Variants in ADRA1B observed in about 807,000 individuals in gnomAD.
ADRA1B encodes the protein alpha-1B adrenergic receptor.
ADRA1B carries 17 observed loss-of-function variants against 17.9 expected under a neutral mutation model. The observed-to-expected ratio is 0.95, with a 90% confidence interval of 0.65 to 1.42. The LOEUF (loss-of-function observed/expected upper bound fraction) is 1.42, where lower values mean the gene tolerates loss of function less well. ADRA1B is among the 40% of genes most tolerant of loss of function. The pLI is 0.00. For missense variants in ADRA1B, 681 were observed against 722.1 expected (o/e 0.94, Z 0.65); for synonymous variants, 366 against 327.6 (o/e 1.12, Z -1.27).
chr5:159,921,485 G>C (rs1265577168), intron 1 of ADRA1B, among the ~76,000 whole-genome samples: 1 of 152,204 alleles, frequency 6.6e-6, no homozygotes, highest in African/African-American at 2.4e-5. Context: ...CTCAAGAAGT[G>C]GCTGAGCTAT....
chr5:159,962,054 C>G (rs1217127701), intron 1 of ADRA1B, among the ~76,000 whole-genome samples: 1 of 152,080 alleles, frequency 6.6e-6, no homozygotes, highest in African/African-American at 2.4e-5. Context: ...CAAAAATTAG[C>G]CATGCGTGAT....
intron 1 of ADRA1B, 26 bp from the exon 2 acceptor site, chr5:159,971,853 C>CGGGGGGGGGGGGGGGGGGGGGGGGGGGG: frequency 4.6e-6 from 6 of 1,305,874 alleles, no homozygotes; most frequent in Non-Finnish European, 5.9e-6. Flanking sequence ...TCTTTCTGCC[C>CGGGGGGGGGGGGGGGGGGGGGGGGGGGG]GTGCCCACCC....
rs376187038 is a variant in ADRA1B, at chr5:159,947,860, G to T, written c.950-24019G>T. On this transcript the variant is annotated intron_variant, in intron 1 of 1. Coordinates refer to ENST00000306675, the MANE Select transcript of ADRA1B (RefSeq NM_000679.4). ...TTATTGAGAAAGGAGCCAGCAATTAGCACAAAAATTTAGCTTAACCACGTT... is the reference window on the plus strand; with the variant it reads ...TTATTGAGAAAGGAGCCAGCAATTATCACAAAAATTTAGCTTAACCACGTT... The T allele has an allele frequency of 2.1e-4, 208 of 985,424 alleles. 1 individual carries two copies. In the South Asian group the frequency reaches 5.7e-3, roughly 27 times the overall value. The allele number at this position is 985,424 out of a possible 1,614,324, so 61.0% of individuals were successfully genotyped here. A position where few individuals can be genotyped will look rare whatever the true frequency, so the allele number is the denominator to read the frequency against.
chr5:159,929,533 C>T (rs140786108), intron 1 of ADRA1B, among the ~76,000 whole-genome samples: 15 of 151,252 alleles, frequency 9.9e-5, no homozygotes, highest in Admixed American at 2.6e-4. Context: ...AACCCTGCCT[C>T]GGGACATTAC....
At chr5:159,922,176 T>A (rs926454829) in intron 1 of ADRA1B, among the ~76,000 whole-genome samples, 2 of 152,234 alleles carry the variant, frequency 1.3e-5, no homozygotes, top group African/African-American at 4.8e-5. Context: ...ATTGTATTTG[T>A]TATTGGATAC....
chr5:159,962,349 C>T (rs1755679578), intron 1 of ADRA1B, among the ~76,000 whole-genome samples: 4 of 152,212 alleles, frequency 2.6e-5, no homozygotes, highest in African/African-American at 4.8e-5. Flanking sequence ...AACTGTCTTT[C>T]TCAGGGACCT....
chr5:159,908,734 G>C (rs781574215), intron 1 of ADRA1B, among the ~76,000 whole-genome samples: 1 of 152,146 alleles, frequency 6.6e-6, no homozygotes, highest in African/African-American at 2.4e-5. Flanking sequence ...ATGAGATGAC[G>C]CATATGGATT....
At chr5:159,986,949 A>G in the ADRA1B span, among the ~76,000 whole-genome samples, 1 of 152,092 alleles carries the variant, frequency 6.6e-6, no homozygotes, top group Non-Finnish European at 1.5e-5. Context: ...CCAATCTCTG[A>G]TGGTGCTGCT....
downstream of ADRA1B, among the ~76,000 whole-genome samples, chr5:159,974,651 A>T (rs1755944299): frequency 6.6e-6 from 1 of 151,464 alleles, no homozygotes; most frequent in African/African-American, 2.4e-5. Context: ...AAAAAAAAAA[A>T]TCCTAGGAAG....
At chr5:159,951,647 C>G (rs1354695521) in intron 1 of ADRA1B, 1 of 374,210 alleles carries the variant, frequency 2.7e-6, no homozygotes, top group Non-Finnish European at 5.1e-6. Context: ...GCAGTCTGCT[C>G]CTCGGGCCGG....
At chr5:159,940,165 GT>G (rs1755085806) in intron 1 of ADRA1B, among the ~76,000 whole-genome samples, 1 of 152,238 alleles carries the variant, frequency 6.6e-6, no homozygotes, top group African/African-American at 2.4e-5. Context: ...AATTCTGTGT[GT>G]ACTGGCAAAG....
At chr5:159,973,158 TCACCA>T (rs932838996), downstream of ADRA1B, among the ~76,000 whole-genome samples, 11 of 152,236 alleles carry the variant, frequency 7.2e-5, no homozygotes, top group African/African-American at 2.2e-4. Flanking sequence ...AGAGCCGCTC[TCACCA>T]CGTCTTGAGG....
intron 1 of ADRA1B, among the ~76,000 whole-genome samples, chr5:159,966,829 A>G (rs1480862232): frequency 1.3e-5 from 2 of 152,266 alleles, no homozygotes; most frequent in African/African-American, 4.8e-5. Flanking sequence ...GTGGCTTTTC[A>G]TCACTGCAGT....
At chr5:159,945,953 T>A (rs922641286) in intron 1 of ADRA1B, among the ~76,000 whole-genome samples, 2 of 152,186 alleles carry the variant, frequency 1.3e-5, no homozygotes, top group Non-Finnish European at 2.9e-5. Context: ...TTCACCATGT[T>A]AGCCAGGATG....
intron 1 of ADRA1B, among the ~76,000 whole-genome samples, chr5:159,878,221 T>C (rs1005227061): frequency 6.6e-6 from 1 of 152,126 alleles, no homozygotes; most frequent in African/African-American, 2.4e-5. Flanking sequence ...TTACCTAGGC[T>C]ATGTCAGGGC....
chr5:159,907,612 T>A (rs1754175866), intron 1 of ADRA1B, among the ~76,000 whole-genome samples: 1 of 152,174 alleles, frequency 6.6e-6, no homozygotes, highest in South Asian at 2.1e-4. Context: ...TACTGAGAAA[T>A]CTTTTGTGTG....
intron 1 of ADRA1B, among the ~76,000 whole-genome samples, chr5:159,940,463 C>A (rs1039911870): frequency 3.9e-5 from 6 of 152,104 alleles, no homozygotes; most frequent in Non-Finnish European, 5.9e-5. Context: ...CTGATGTTTT[C>A]TCTTAGTAAT....
intron 1 of ADRA1B, among the ~76,000 whole-genome samples, chr5:159,878,504 A>C (rs1753825250): frequency 6.6e-6 from 1 of 152,098 alleles, no homozygotes; most frequent in Non-Finnish European, 1.5e-5. Context: ...TGTCTGATTA[A>C]TTCAGCTAAT....
upstream of ADRA1B, among the ~76,000 whole-genome samples, chr5:159,915,956 T>C (rs1754289718): frequency 6.6e-6 from 1 of 151,906 alleles, no homozygotes; most frequent in South Asian, 2.1e-4. Flanking sequence ...AATAAATGAG[T>C]GAATGCCTGA....
Sources: gnomAD v4.1 joint callset for allele counts (sites outside exome capture counted in the v4.1 genomes callset) on GRCh38, gnomAD v4.1.1 for gene constraint, MANE v1.5 for transcripts, NCBI Gene and HGNC (gene_info 2026-07-23, HGNC 2026-07-21) for gene names.